Variants in CACNB2 observed in about 807,000 individuals in gnomAD.
The protein encoded by CACNB2 is voltage-dependent L-type calcium channel subunit beta-2.
CACNB2 carries 42 observed loss-of-function variants against 73.3 expected under a neutral mutation model. The observed-to-expected ratio is 0.57, with a 90% CI of 0.45 to 0.74. The LOEUF is 0.74. CACNB2 is among the 30% of genes least tolerant of loss of function. CACNB2 has a pLI of 0.00. For missense variants in CACNB2, 940 were observed against 853.0 expected (o/e 1.10, Z -1.27); for synonymous variants, 348 against 310.3 (o/e 1.12, Z -1.28).
chr10:18,365,956 C>T (rs938371134), intron 2 of CACNB2, among the ~76,000 whole-genome samples: 6 of 152,196 alleles, frequency 3.9e-5, no homozygotes, highest in Admixed American at 3.3e-4. Flanking sequence ...TTTCTGAGCC[C>T]TCTCACTTCT....
At position 18,500,951 on chromosome 10, in the gene CACNB2, A is replaced by G; in HGVS notation, c.593+3A>G. On this transcript the variant is annotated splice_donor_region_variant and intron_variant, in intron 5 of 13. Transcript: ENST00000324631. Reference sequence around the variant, plus strand: ...AAGCAAGGGAAATTCTACTCCAGGTATGAGACAGATGTCAAGTGTTTGCAT... The same window carrying G: ...AAGCAAGGGAAATTCTACTCCAGGTGTGAGACAGATGTCAAGTGTTTGCAT... The G allele has an allele frequency of 6.2e-7, 1 of 1,613,778 alleles. No homozygotes were observed. Among genetic ancestry groups the G allele is most frequent in the South Asian group, 1.1e-5 (1 of 91,086 alleles).
chr10:18,413,733 ATAAAT>A (rs1393539242), intron 3 of CACNB2, among the ~76,000 whole-genome samples: 1 of 152,212 alleles, frequency 6.6e-6, no homozygotes, highest in African/African-American at 2.4e-5. Context: ...TGACTTTTTG[ATAAAT>A]TACAGGTGAA....
intron 2 of CACNB2, among the ~76,000 whole-genome samples, chr10:18,298,473 A>G (rs1411648229): frequency 6.6e-6 from 1 of 152,248 alleles, no homozygotes; most frequent in African/African-American, 2.4e-5. Context: ...TATGTCATAG[A>G]TCATTTTAAA....
At chr10:18,458,149 C>T (rs367712875) in intron 3 of CACNB2, among the ~76,000 whole-genome samples, 8 of 152,272 alleles carry the variant, frequency 5.3e-5, no homozygotes, top group Admixed American at 4.6e-4. Flanking sequence ...GTATTTTAGA[C>T]TATGCAAACA....
At chr10:18,238,297 T>C (rs544543215) in intron 2 of CACNB2, 1 of 152,314 alleles carries the variant, frequency 6.6e-6, no homozygotes, top group Admixed American at 6.5e-5. Context: ...TGGTCCTCTC[T>C]TAATAAAACC....
Position 18,539,352 on chromosome 10 carries a change from ACAC to A in CACNB2, c.1615_1617del (p.His539del), listed in dbSNP as rs755732522. 2.5e-6 allele frequency: 4 copies of A among 1,614,106 alleles called. No homozygotes were observed. The highest frequency in any genetic ancestry group is 3.4e-6 in the Non-Finnish European group (4 of 1,180,012). On this transcript the variant is annotated inframe_deletion, in exon 14 of 14. Coordinates refer to ENST00000324631, the MANE Select transcript of CACNB2 (RefSeq NM_201596.3). ...AGCACCGCTCTTCCTCCTCAGCCCC[ACAC>A]CACAACCATCGCAGTGGGACAAGTC...
intron 3 of CACNB2, among the ~76,000 whole-genome samples, chr10:18,467,453 G>T (rs981688180): frequency 6.6e-6 from 1 of 152,126 alleles, no homozygotes; most frequent in African/African-American, 2.4e-5. Flanking sequence ...ATAGGAGGTG[G>T]TTCCTACCTC....
At position 18,361,315 on chromosome 10, in the gene CACNB2, C is replaced by T. The variant is rs548500272; in HGVS notation, c.214-40609C>T. Among the ~76,000 whole-genome samples, 69 of 149,694 alleles carry T rather than the reference C, an allele frequency of 4.6e-4. 2 individuals are homozygous for T. Among genetic ancestry groups the T allele is most frequent in the African/African-American group, 1.7e-3 (69 of 40,498 alleles). On this transcript the variant is annotated intron_variant, in intron 2 of 13. Transcript: ENST00000324631. Reference sequence around the variant, plus strand: ...AAGACCAGCTGGCAACTTAATGAAGCCCTGTCTCTACAAAAAATTAAAAAA... The same window carrying T: ...AAGACCAGCTGGCAACTTAATGAAGTCCTGTCTCTACAAAAAATTAAAAAA...
chr10:18,483,168 C>G (rs2048876006), intron 3 of CACNB2, among the ~76,000 whole-genome samples: 4 of 152,014 alleles, frequency 2.6e-5, no homozygotes, highest in Admixed American at 2.6e-4. Context: ...CTGCACTAAT[C>G]TAATCCCTGC....
At chr10:18,151,531 A>C (rs2031558645) in intron 2 of CACNB2, among the ~76,000 whole-genome samples, 1 of 152,150 alleles carries the variant, frequency 6.6e-6, no homozygotes, top group Non-Finnish European at 1.5e-5. Context: ...TCTTCCTGCC[A>C]AGCAGCCTGG....
intron 6 of CACNB2, 81 bp from the exon 7 acceptor site, chr10:18,514,155 T>C: frequency 6.7e-7 from 1 of 1,486,830 alleles, no homozygotes; most frequent in Non-Finnish European, 9.4e-7. Flanking sequence ...CTATGGTTAG[T>C]TTTATTTGCT....
chr10:18,506,194 C>G (rs2050480745), intron 5 of CACNB2, among the ~76,000 whole-genome samples: 1 of 152,156 alleles, frequency 6.6e-6, no homozygotes, highest in African/African-American at 2.4e-5. Flanking sequence ...TGTCTGTGAT[C>G]TGGGCAAGTA....
intron 3 of CACNB2, among the ~76,000 whole-genome samples, chr10:18,466,809 A>G (rs1025940743): frequency 3.3e-5 from 5 of 152,164 alleles, no homozygotes; most frequent in Non-Finnish European, 7.3e-5. Flanking sequence ...GCATGTCTAA[A>G]CAAACTATGG....
At chr10:18,289,297 G>T (rs28501971) in intron 2 of CACNB2, among the ~76,000 whole-genome samples, 19,335 of 55,714 alleles carry the variant, frequency 0.35, 2,807 homozygotes, top group African/African-American at 0.5. Flanking sequence ...TTTTTGTTTT[G>T]TTTTTTTTTT....
At position 18,536,146 on chromosome 10, in the gene CACNB2, C is replaced by T. The variant is rs756840043; in HGVS notation, c.1252C>T (p.His418Tyr). ...ATCTCGAGGGAAATCTCAAGCTAAA[C>T]ACCTCAACGTCCAGATGGTAGCAGC... ...IKSRGKSQAK[H>Y]LNVQMVAADK... The change falls in exon 12 of 14, where the codon CAC becomes TAC. Residue 418 changes from histidine to tyrosine, a missense_variant. His to Tyr is a moderately conservative substitution (Grantham distance 83, BLOSUM62 2). Transcript: ENST00000324631. The T allele has an allele frequency of 3.7e-6, 6 of 1,607,492 alleles. No homozygotes were observed. Among genetic ancestry groups the T allele is most frequent in the East Asian group, 2.2e-5 (1 of 44,498 alleles).
intron 3 of CACNB2, among the ~76,000 whole-genome samples, chr10:18,450,942 T>C (rs1041604634): frequency 4.6e-5 from 7 of 152,222 alleles, no homozygotes; most frequent in Admixed American, 3.3e-4. Context: ...CAGCCCCGTT[T>C]GCTTTTTTTA....
intron 2 of CACNB2, among the ~76,000 whole-genome samples, chr10:18,186,529 T>G (rs1424793126): frequency 1.3e-5 from 2 of 152,146 alleles, no homozygotes; most frequent in Non-Finnish European, 2.9e-5. Flanking sequence ...TGCTGGCATC[T>G]CCTCAGCTTC....
intron 2 of CACNB2, among the ~76,000 whole-genome samples, chr10:18,166,669 TA>T (rs1370785260): frequency 6.6e-6 from 1 of 151,386 alleles, no homozygotes; most frequent in African/African-American, 2.4e-5. Context: ...GAGAGGAGAG[TA>T]AAAACCACTG....
At chr10:18,254,244 A>G (rs1202717409) in intron 2 of CACNB2, among the ~76,000 whole-genome samples, 1 of 152,228 alleles carries the variant, frequency 6.6e-6, no homozygotes, top group Non-Finnish European at 1.5e-5. Context: ...GTATTCCTTT[A>G]AGTATGACTG....
Sources: allele counts gnomAD v4.1 joint callset (sites outside exome capture counted in the v4.1 genomes callset), GRCh38; gene constraint gnomAD v4.1.1; transcripts MANE v1.5; gene names NCBI Gene and HGNC (gene_info 2026-07-23, HGNC 2026-07-21).